Variants in CFAP96 observed in about 807,000 individuals in gnomAD.
The protein encoded by CFAP96 is cilia and flagella associated protein 96, also known as cilia-and flagella-associated protein 96.
the CFAP96 span, among the ~76,000 whole-genome samples, chr4:185,435,047 C>A: frequency 6.6e-6 from 1 of 152,154 alleles, no homozygotes; most frequent in Non-Finnish European, 1.5e-5. Flanking sequence ...ACCCCCGGAA[C>A]CGTAGGCATT....
At chr4:185,428,346 G>C in the CFAP96 span, among the ~76,000 whole-genome samples, 1 of 152,112 alleles carries the variant, frequency 6.6e-6, no homozygotes, top group East Asian at 1.9e-4. Flanking sequence ...GGCCGAGGTG[G>C]GTGGATCACT....
chr4:185,430,443 A>G, the CFAP96 span, among the ~76,000 whole-genome samples: 1 of 152,226 alleles, frequency 6.6e-6, no homozygotes, highest in Non-Finnish European at 1.5e-5. Context: ...GAAAAAGGAT[A>G]TCTATGAAAA....
the CFAP96 span, among the ~76,000 whole-genome samples, chr4:185,430,979 A>T: frequency 6.6e-6 from 1 of 152,114 alleles, no homozygotes; most frequent in Non-Finnish European, 1.5e-5. Flanking sequence ...TGGGAGGCTG[A>T]GGTGGGTGGA....
At chr4:185,432,184 T>C in the CFAP96 span, 362 of 1,551,354 alleles carry the variant, frequency 2.3e-4, 1 homozygote, top group Non-Finnish European at 3.1e-4. Flanking sequence ...TCCTCCCTAG[T>C]AATGGAGAGA....
At chr4:185,419,005 G>C in the CFAP96 span, among the ~76,000 whole-genome samples, 1 of 152,050 alleles carries the variant, frequency 6.6e-6, no homozygotes, top group Non-Finnish European at 1.5e-5. Context: ...ATATTCATAA[G>C]GTTTCATAAT....
chr4:185,432,897 T>C, the CFAP96 span, among the ~76,000 whole-genome samples: 1 of 151,840 alleles, frequency 6.6e-6, no homozygotes, highest in Non-Finnish European at 1.5e-5. Flanking sequence ...TACATTTTTT[T>C]TGTTGTTTTT....
the CFAP96 span, among the ~76,000 whole-genome samples, chr4:185,421,072 T>A: frequency 1.3e-5 from 2 of 152,236 alleles, no homozygotes; most frequent in Non-Finnish European, 2.9e-5. Context: ...AGTGATTTAG[T>A]CCTAGTAAAA....
chr4:185,418,540 G>A, the CFAP96 span: 2 of 1,609,310 alleles, frequency 1.2e-6, no homozygotes, highest in Admixed American at 1.7e-5. Context: ...TTTATAATAT[G>A]AAATGATGTT....
the CFAP96 span, chr4:185,422,676 A>G: frequency 4.2e-5 from 32 of 754,176 alleles, no homozygotes; most frequent in South Asian, 3.0e-4. Context: ...TGATTCTTCA[A>G]ATTATTTCAT....
chr4:185,421,373 T>C, the CFAP96 span, among the ~76,000 whole-genome samples: 13,814 of 152,218 alleles, frequency 0.091, 1,129 homozygotes, highest in African/African-American at 0.21. Context: ...AAATGTGATC[T>C]CCAATGTTTG....
chr4:185,427,675 C>G, the CFAP96 span, among the ~76,000 whole-genome samples: 4,028 of 144,386 alleles, frequency 0.028, 122 homozygotes, highest in South Asian at 0.048. Context: ...CAGGAGAATT[C>G]CTTGAACCCA....
At chr4:185,441,215 TTAAAA>T in the CFAP96 span, among the ~76,000 whole-genome samples, 1 of 152,152 alleles carries the variant, frequency 6.6e-6, no homozygotes, top group Non-Finnish European at 1.5e-5. Context: ...GAAATGGTAA[TTAAAA>T]TTAACTATCT....
the CFAP96 span, among the ~76,000 whole-genome samples, chr4:185,441,441 AAAT>A: frequency 6.6e-6 from 1 of 151,758 alleles, no homozygotes; most frequent in South Asian, 2.1e-4. Context: ...TTTGTGTTGA[AAAT>A]AATTTTTTTA....
the CFAP96 span, chr4:185,413,627 T>A: frequency 3.5e-6 from 4 of 1,132,458 alleles, no homozygotes; most frequent in Non-Finnish European, 5.0e-6. Context: ...GTTTTAGGAA[T>A]GAATACATAA....
chr4:185,413,276 T>A, the CFAP96 span, among the ~76,000 whole-genome samples: 150 of 152,278 alleles, frequency 9.9e-4, no homozygotes, highest in Middle Eastern at 3.4e-3. Context: ...TAACCCCAGC[T>A]GCTCAGGAGA....
chr4:185,436,918 T>C, the CFAP96 span, among the ~76,000 whole-genome samples: 1 of 152,124 alleles, frequency 6.6e-6, no homozygotes, highest in Non-Finnish European at 1.5e-5. Context: ...GTTTACCACA[T>C]CTATTTTACA....
the CFAP96 span, among the ~76,000 whole-genome samples, chr4:185,443,955 T>TAGACGGAG: frequency 5.2e-5 from 1 of 19,204 alleles, no homozygotes; most frequent in Non-Finnish European, 1.1e-4. Context: ...TTTTTTTTTT[T>TAGACGGAG]TTTTTTTTTG....
the CFAP96 span, chr4:185,436,191 A>T: frequency 6.5e-7 from 1 of 1,547,484 alleles, no homozygotes. Flanking sequence ...TGGGTAAGAT[A>T]TTTTTAATAC....
chr4:185,418,600 G>C, the CFAP96 span: 21 of 1,613,140 alleles, frequency 1.3e-5, no homozygotes, highest in East Asian at 4.5e-4. Flanking sequence ...ATAAAGCGCA[G>C]TATGTTCTTA....
Sources: gnomAD v4.1 joint callset for allele counts (sites outside exome capture counted in the v4.1 genomes callset) on GRCh38, gnomAD v4.1.1 for gene constraint, MANE v1.5 for transcripts, NCBI Gene and HGNC (gene_info 2026-07-23, HGNC 2026-07-21) for gene names.